ZFAT: variants seen among roughly 807,000 people sequenced by gnomAD.
ZFAT encodes the protein zinc finger protein ZFAT.
A neutral mutation model predicts 117.7 loss-of-function variants in ZFAT; 64 were observed. That is an observed-to-expected ratio of 0.54 (90% CI 0.44 to 0.67). The LOEUF (loss-of-function observed/expected upper bound fraction) is 0.67. Ranked by LOEUF, ZFAT falls within the 30% of genes least tolerant of loss-of-function variation. ZFAT has a pLI of 0.00. For synonymous variants in ZFAT, 679 were observed against 615.0 expected (o/e 1.10, Z -1.54); for missense variants, 1,433 against 1,584.5 (o/e 0.90, Z 1.62).
chr8:134,490,555 G>A (rs940923146), intron 15 of ZFAT, among the ~76,000 whole-genome samples: 1 of 152,198 alleles, frequency 6.6e-6, no homozygotes, highest in Non-Finnish European at 1.5e-5. Context: ...CACATGAGGG[G>A]CCATCAGATG....
chr8:134,713,552 C>T (rs944594799), upstream of ZFAT, among the ~76,000 whole-genome samples: 3 of 152,148 alleles, frequency 2.0e-5, no homozygotes, highest in African/African-American at 4.8e-5. Flanking sequence ...CACTGAGCGG[C>T]CTACGATCAC....
At chr8:134,825,580 A>G in the ZFAT span, among the ~76,000 whole-genome samples, 1 of 152,274 alleles carries the variant, frequency 6.6e-6, no homozygotes, top group African/African-American at 2.4e-5. Context: ...GCGCATTAGA[A>G]GTTCACTCAC....
In ZFAT at chr8:134,602,642, G is replaced by A. The variant is rs1366094118; in HGVS notation, c.1077C>T (p.Cys359=). 6.2e-7 allele frequency: 1 copy of A among 1,614,172 alleles called. No individual in the cohort carries two copies. The highest frequency in any genetic ancestry group is 8.5e-7 in the Non-Finnish European group (1 of 1,180,042). ...HKKIKQHCRF[C]KKKYSDVKNL... ...TCTTGACGTCAGAGTACTTCTTCTT[G>A]CAGAAGCGGCAGTGCTGCTTGATCT... The change falls in exon 6 of 16, where the codon TGC becomes TGT. Residue 359 remains cysteine (C), a synonymous_variant. Coordinates refer to ENST00000377838, the MANE Select transcript of ZFAT (RefSeq NM_020863.4).
At chr8:134,598,863 G>T (rs934903868) in intron 7 of ZFAT, 23 of 152,152 alleles carry the variant, frequency 1.5e-4, no homozygotes, top group African/African-American at 5.6e-4. Context: ...TCCAAGGATG[G>T]GTAAACTGAG....
intron 11 of ZFAT, among the ~76,000 whole-genome samples, chr8:134,561,050 T>C (rs1824012703): frequency 6.6e-6 from 1 of 152,266 alleles, no homozygotes. Context: ...AGATGTTTGA[T>C]GGGCTTCACC....
chr8:134,817,408 C>CT, the ZFAT span, among the ~76,000 whole-genome samples: 10 of 95,458 alleles, frequency 1.0e-4, no homozygotes, highest in African/African-American at 4.0e-4. Flanking sequence ...CACACACACA[C>CT]ACACACACAC....
intron 10 of ZFAT, among the ~76,000 whole-genome samples, chr8:134,578,743 T>G (rs905705278): frequency 6.6e-6 from 1 of 152,086 alleles, no homozygotes; most frequent in Non-Finnish European, 1.5e-5. Flanking sequence ...CATGAGGGTG[T>G]TGAGAAGCGG....
At chr8:134,545,264 G>A (rs573495616) in intron 11 of ZFAT, among the ~76,000 whole-genome samples, 1 of 152,310 alleles carries the variant, frequency 6.6e-6, no homozygotes, top group South Asian at 2.1e-4. Context: ...TGTAATCCCA[G>A]CACTTTGGGA....
the ZFAT span, among the ~76,000 whole-genome samples, chr8:134,769,739 T>C: frequency 1.3e-5 from 2 of 151,964 alleles, no homozygotes; most frequent in African/African-American, 4.8e-5. Context: ...GAGCCACGCC[T>C]CCCCCCATCC....
intron 15 of ZFAT, among the ~76,000 whole-genome samples, chr8:134,482,179 C>G (rs867716227): frequency 6.6e-6 from 1 of 152,180 alleles, no homozygotes; most frequent in Admixed American, 6.6e-5. Context: ...TCTGACCCCC[C>G]GGGCACTTTT....
At chr8:134,671,622 T>C (rs1409999820) in intron 1 of ZFAT, among the ~76,000 whole-genome samples, 1 of 152,154 alleles carries the variant, frequency 6.6e-6, no homozygotes, top group Non-Finnish European at 1.5e-5. Flanking sequence ...TAAGAGCTAT[T>C]TATGACTAAC....
At chr8:134,603,231 A>G (rs894532091) in intron 5 of ZFAT, among the ~76,000 whole-genome samples, 1 of 152,186 alleles carries the variant, frequency 6.6e-6, no homozygotes, top group African/African-American at 2.4e-5. Context: ...TCTAACCTGG[A>G]TTAGGATAGC....
intron 15 of ZFAT, among the ~76,000 whole-genome samples, chr8:134,486,154 T>A (rs1427757642): frequency 6.6e-6 from 1 of 152,200 alleles, no homozygotes; most frequent in African/African-American, 2.4e-5. Flanking sequence ...TGGGATGGCA[T>A]CAGTTAACCC....
chr8:134,767,764 A>C, the ZFAT span, among the ~76,000 whole-genome samples: 2 of 152,152 alleles, frequency 1.3e-5, no homozygotes, highest in Admixed American at 6.5e-5. Flanking sequence ...GTGCCTTTAA[A>C]ATGTTCTCAT....
Position 134,602,701 on chromosome 8 carries a change from G to A in ZFAT, c.1018C>T (p.His340Tyr). 6.2e-7 allele frequency: 1 copy of A among 1,614,042 alleles called. No homozygotes were observed. Among genetic ancestry groups the A allele is most frequent in the Non-Finnish European group, 8.5e-7 (1 of 1,179,944 alleles). The change falls in exon 6 of 16, where the codon CAC becomes TAC. Residue 340 changes from histidine to tyrosine, a missense_variant. His to Tyr is a moderately conservative substitution (Grantham distance 83, BLOSUM62 2). Transcript: ENST00000377838. ...ACTCGCTCGATGTGCACCTTGAGGT[G>A]GCCCTTGCTCAGGCAGGTGAACGAG... ...YCSFTCLSKG[H>Y]LKVHIERVHK...
chr8:134,800,251 T>TTTTAATAAATG, the ZFAT span, among the ~76,000 whole-genome samples: 1 of 74,732 alleles, frequency 1.3e-5, no homozygotes, highest in African/African-American at 7.7e-5. Flanking sequence ...TTTAAAGGAA[T>TTTTAATAAATG]TTTAATAAAT....
chr8:134,757,009 C>CTTTTTTTTTT, the ZFAT span, among the ~76,000 whole-genome samples: 5 of 81,210 alleles, frequency 6.2e-5, no homozygotes, highest in East Asian at 3.7e-4. Flanking sequence ...ACCTTCTTTC[C>CTTTTTTTTTT]TTTTTTTTTT....
intron 3 of ZFAT, among the ~76,000 whole-genome samples, chr8:134,626,102 C>T (rs1199803017): frequency 6.6e-6 from 1 of 152,180 alleles, no homozygotes; most frequent in Non-Finnish European, 1.5e-5. Flanking sequence ...CTGCAAAAGG[C>T]CCTGAGTACC....
chr8:134,570,457 T>C (rs1208709128), intron 10 of ZFAT, among the ~76,000 whole-genome samples: 4 of 152,238 alleles, frequency 2.6e-5, no homozygotes, highest in Non-Finnish European at 5.9e-5. Context: ...ACGAGAATTT[T>C]CGCCTCATGA....
Sources: gnomAD v4.1 joint callset for allele counts (sites outside exome capture counted in the v4.1 genomes callset) on GRCh38, gnomAD v4.1.1 for gene constraint, MANE v1.5 for transcripts, NCBI Gene and HGNC (gene_info 2026-07-23, HGNC 2026-07-21) for gene names.